Variants in NUSAP1 observed in about 807,000 individuals in gnomAD.
NUSAP1 encodes the protein nucleolar and spindle-associated protein 1.
NUSAP1 carries 32 observed loss-of-function variants against 52.8 expected under a neutral mutation model. The ratio of observed to expected loss-of-function variants is 0.61; its 90% CI spans 0.46 to 0.81. NUSAP1 has a LOEUF of 0.81. Ranked by LOEUF, NUSAP1 falls within the 40% of genes least tolerant of loss-of-function variation. The pLI, the probability that NUSAP1 is intolerant of heterozygous loss-of-function variation, is 0.00. For missense variants in NUSAP1, 499 were observed against 522.3 expected (o/e 0.96, Z 0.43); for synonymous variants, 195 against 183.1 (o/e 1.06, Z -0.52).
At chr15:41,366,811 C>G (rs186756668) in intron 7 of NUSAP1, among the ~76,000 whole-genome samples, 14 of 152,158 alleles carry the variant, frequency 9.2e-5, no homozygotes, top group Admixed American at 7.2e-4. Context: ...GTTTATGTGT[C>G]CTTGCATTGA....
At chr15:41,363,234 C>T (rs938853658) in intron 6 of NUSAP1, among the ~76,000 whole-genome samples, 2 of 147,600 alleles carry the variant, frequency 1.4e-5, no homozygotes, top group Non-Finnish European at 3.0e-5. Context: ...TGCAGTGAGC[C>T]AATATCACGC....
chr15:41,355,316 G>A (rs1439624336), intron 4 of NUSAP1, among the ~76,000 whole-genome samples: 1 of 151,756 alleles, frequency 6.6e-6, no homozygotes, highest in African/African-American at 2.4e-5. Flanking sequence ...GGGATTACAG[G>A]CACGCCCCAC....
At chr15:41,356,211 C>A (rs943987836) in intron 5 of NUSAP1, 71 bp downstream of exon 5, 1 of 867,150 alleles carries the variant, frequency 1.2e-6, no homozygotes. Context: ...ACTGTAACAG[C>A]TGAAAGCATA....
intron 10 of NUSAP1, among the ~76,000 whole-genome samples, chr15:41,379,095 AGGTTCCCGCCCCC>A (rs1382179742): frequency 2.0e-5 from 3 of 151,392 alleles, no homozygotes; most frequent in African/African-American, 7.3e-5. Flanking sequence ...CTGGGATTAC[AGGTTCCCGCCCCC>A]GCGTGCAGCT....
chr15:41,345,772 C>G (rs1250406682), intron 2 of NUSAP1, among the ~76,000 whole-genome samples: 1 of 151,588 alleles, frequency 6.6e-6, no homozygotes, highest in Non-Finnish European at 1.5e-5. Context: ...ATTTTAATCT[C>G]CCATCTGCTG....
chr15:41,376,724 A>AT (rs1187790525), intron 9 of NUSAP1, among the ~76,000 whole-genome samples: 1 of 148,722 alleles, frequency 6.7e-6, no homozygotes, highest in African/African-American at 2.5e-5. Flanking sequence ...TTAAATTTAA[A>AT]TTAAAAAAAA....
At chr15:41,350,395 T>C (rs2048734717) in intron 3 of NUSAP1, among the ~76,000 whole-genome samples, 2 of 151,842 alleles carry the variant, frequency 1.3e-5, no homozygotes, top group East Asian at 1.9e-4. Context: ...AACATAATCA[T>C]GCTAATCATG....
chr15:41,345,380 C>G, intron 2 of NUSAP1: 1 of 373,376 alleles, frequency 2.7e-6, no homozygotes, highest in Admixed American at 3.8e-5. Flanking sequence ...ACCCCTGCTC[C>G]TTTTTTAGCT....
intron 1 of NUSAP1, among the ~76,000 whole-genome samples, chr15:41,339,995 A>G (rs780148695): frequency 2.7e-5 from 4 of 146,466 alleles, no homozygotes; most frequent in Non-Finnish European, 6.0e-5. Flanking sequence ...CTGGTCTTGA[A>G]CTCCTAACTT....
At chr15:41,342,267 G>T (rs950229382) in intron 1 of NUSAP1, 119 bp from the exon 2 acceptor site, 7 of 684,182 alleles carry the variant, frequency 1.0e-5, no homozygotes, top group Non-Finnish European at 1.5e-5. Flanking sequence ...CTAAGTAATG[G>T]TTCTAGTCCT....
rs192967224 is a variant in NUSAP1 at position 41,376,822 on chromosome 15, C to T, written c.1124-374C>T. Reference sequence around the variant, plus strand: ...GGACACAGTGGCTCATGCCTGTAATCCCAGCACTTTGGGAGGCCAAGGCAG... The same window carrying T: ...GGACACAGTGGCTCATGCCTGTAATTCCAGCACTTTGGGAGGCCAAGGCAG... On this transcript the variant is annotated intron_variant, in intron 9 of 10. Coordinates refer to ENST00000559596, the MANE Select transcript of NUSAP1 (RefSeq NM_016359.5). Among the ~76,000 whole-genome samples the T allele has an allele frequency of 2.5e-3, 380 of 151,896 alleles. 2 individuals are homozygous for T. Among genetic ancestry groups the T allele is most frequent in the South Asian group, 6.4e-3 (31 of 4,816 alleles).
intron 7 of NUSAP1, among the ~76,000 whole-genome samples, chr15:41,369,858 G>C (rs1009476801): frequency 6.6e-5 from 10 of 151,534 alleles, no homozygotes; most frequent in Non-Finnish European, 1.2e-4. Context: ...ACGAGGTCAG[G>C]AGTTCAAGAC....
chr15:41,371,769 TG>T, intron 8 of NUSAP1, 85 bp downstream of exon 8: 11 of 1,443,220 alleles, frequency 7.6e-6, no homozygotes, highest in South Asian at 1.4e-5. Flanking sequence ...CTGTTTTTTT[TG>T]TTTGTTTGTT....
chr15:41,358,229 G>T lies in NUSAP1; in HGVS notation c.631G>T (p.Glu211Ter). The T allele has an allele frequency of 1.3e-6, 2 of 1,542,974 alleles. No homozygotes were observed. Among genetic ancestry groups the T allele is most frequent in the South Asian group, 1.1e-5 (1 of 87,296 alleles). Residue 211 changes from glutamate (E) to a stop codon, truncating the protein, a stop_gained, in exon 6 of 11, where the codon GAA (glutamate) becomes TAA (stop). Transcript: ENST00000559596. LOFTEE classifies it high-confidence loss of function. Reference protein sequence around the residue: ...QYIERKKKHFEEHNSMNELKQ... With the variant: ...QYIERKKKHF ...TATTGAGAGAAAAAAGAAACATTTT[G>T]AAGAACACAATTCCATGAATGAACT...
rs190847429 is a variant in NUSAP1, at chr15:41,349,334, A to G, written c.306+93A>G. On this transcript the variant is annotated intron_variant, in intron 3 of 10. Transcript: ENST00000559596. ...TCTTTTTAAATTCCCATGTGATGTC[A>G]TGTGTTTGTAAGGTTACTGTGTGCT... 6.4e-4 allele frequency: 817 copies of G among 1,272,862 alleles called. 3 individuals carry two copies. Among genetic ancestry groups the G allele is most frequent in the Non-Finnish European group, 8.3e-4 (754 of 904,880 alleles). 78.8% of individuals were successfully genotyped at this position (1,272,862 alleles called of 1,614,324 possible). A position where few individuals can be genotyped will look rare whatever the true frequency, so the allele number is the denominator to read the frequency against.
chr15:41,337,870 T>G (rs2140512131), intron 1 of NUSAP1, among the ~76,000 whole-genome samples: 1 of 152,038 alleles, frequency 6.6e-6, no homozygotes, highest in South Asian at 2.1e-4. Context: ...TTGTCTTTTC[T>G]CTAACTATGC....
rs1187469450 is a variant in NUSAP1 at position 41,378,944 on chromosome 15, G to GTTTTT, written c.1233-1126_1233-1122dup. 3.0e-3 allele frequency among the ~76,000 whole-genome samples: 191 copies of GTTTTT among 63,264 alleles called. 49 individuals are homozygous for GTTTTT. The highest frequency in any genetic ancestry group is 8.5e-3 in the African/African-American group (121 of 14,278). 41.5% of individuals were successfully genotyped at this position (63,264 alleles called of 152,430 possible). A position where few individuals can be genotyped will look rare whatever the true frequency, so the allele number is the denominator to read the frequency against. On this transcript the variant is annotated intron_variant, in intron 10 of 10. Coordinates refer to ENST00000559596, the MANE Select transcript of NUSAP1 (RefSeq NM_016359.5). ...CCCAAGATTATATTAACTTATCTTG[G>GTTTTT]TTTTTTTTTTTTTTTTTTTTTTTTT...
chr15:41,349,513 A>G (rs1480505950), intron 3 of NUSAP1: 2 of 299,730 alleles, frequency 6.7e-6, no homozygotes, highest in Non-Finnish European at 1.3e-5. Flanking sequence ...AGTGAGGTGT[A>G]GTAGGTAGGA....
In NUSAP1 at chr15:41,377,272, G is replaced by A; in HGVS notation, c.1200G>A (p.Lys400=). The change falls in exon 10 of 11, where the codon AAG becomes AAA. Residue 400 remains lysine (K), a synonymous_variant. Transcript: ENST00000559596. ...ATGTCAACAGAATTAACTTCTACAA[G>A]AAAACTTACAAACAACCCCATCTCC... ...NQHVNRINFY[K]KTYKQPHLQT... is the part of the protein sequence containing the mutation. 6.5e-7 allele frequency: 1 copy of A among 1,528,016 alleles called. No individual in the cohort carries two copies. The highest frequency in any genetic ancestry group is 8.8e-7 in the Non-Finnish European group (1 of 1,130,304). 94.7% of individuals were successfully genotyped at this position (1,528,016 alleles called of 1,614,324 possible). A position where few individuals can be genotyped will look rare whatever the true frequency, so the allele number is the denominator to read the frequency against.
Sources: gnomAD v4.1 joint callset for allele counts (sites outside exome capture counted in the v4.1 genomes callset) on GRCh38, gnomAD v4.1.1 for gene constraint, MANE v1.5 for transcripts, NCBI Gene and HGNC (gene_info 2026-07-23, HGNC 2026-07-21) for gene names.